Variants in FAT3 observed in about 807,000 individuals in gnomAD.
FAT3 encodes FAT atypical cadherin 3.
Under a neutral mutation model 310.2 loss-of-function variants are expected in FAT3, and 95 were observed. The ratio of observed to expected loss-of-function variants is 0.31; its 90% CI spans 0.26 to 0.36. The LOEUF is 0.36. Among genes scored for constraint, FAT3 ranks in the 10% least tolerant of loss-of-function variants. The probability of loss-of-function intolerance (pLI) is 1.00; values close to 1 mark genes in which losing one functional copy is unlikely to be tolerated. For missense variants in FAT3, 5,408 were observed against 5,715.6 expected (o/e 0.95, Z 1.74); for synonymous variants, 2,314 against 2,192.9 (o/e 1.06, Z -1.54).
chr11:92,362,064 A>G (rs1419689496), intron 2 of FAT3, among the ~76,000 whole-genome samples: 1 of 152,000 alleles, frequency 6.6e-6, no homozygotes, highest in African/African-American at 2.4e-5. Context: ...TTTTTTCTAT[A>G]TCTGGTGTTA....
chr11:92,476,811 C>T lies in FAT3; in HGVS notation c.3293-47823C>T, dbSNP rs977521489. 7.2e-5 allele frequency among the ~76,000 whole-genome samples: 11 copies of T among 152,280 alleles called. No individual in the cohort carries two copies. In the East Asian group the frequency reaches 1.9e-3, roughly 27 times the overall value. On this transcript the variant is annotated intron_variant, in intron 2 of 27. Transcript: ENST00000525166. ...GAGGATCAAGTTGAAGACAGTGGTA[C>T]TGAGGAACTAAAAATTAACCACATT...
chr11:92,246,529 G>A (rs757104995), intron 1 of FAT3, among the ~76,000 whole-genome samples: 1 of 152,042 alleles, frequency 6.6e-6, no homozygotes, highest in East Asian at 1.9e-4. Context: ...AGACAAAGAG[G>A]GGATATGGAT....
At chr11:92,433,871 C>G (rs1372819029) in intron 2 of FAT3, among the ~76,000 whole-genome samples, 2 of 151,894 alleles carry the variant, frequency 1.3e-5, no homozygotes, top group East Asian at 3.9e-4. Context: ...AAAAAATTAG[C>G]TGGATGTGGT....
chr11:92,649,531 C>A (rs1477271698), intron 3 of FAT3, among the ~76,000 whole-genome samples: 1 of 152,030 alleles, frequency 6.6e-6, no homozygotes, highest in Non-Finnish European at 1.5e-5. Flanking sequence ...TATCATGTTG[C>A]CAGTGGGTCC....
chr11:92,241,964 A>G (rs1864684226), intron 1 of FAT3, among the ~76,000 whole-genome samples: 1 of 152,022 alleles, frequency 6.6e-6, no homozygotes, highest in Non-Finnish European at 1.5e-5. Context: ...AGTTTGGCTA[A>G]AATCACTGCT....
rs1863840331 is a variant in FAT3, at chr11:92,224,995, G to T, written c.-197G>T. On this transcript the variant is annotated 5_prime_UTR_variant, in exon 1 of 28. Coordinates refer to ENST00000525166, the MANE Select transcript of FAT3 (RefSeq NM_001367949.2). ...TTGCGAACCCCCGGCGGCGGCGGCG[G>T]CGGCGTCCCGAGCGCAGAGCGCTTC... 1.3e-5 allele frequency among the ~76,000 whole-genome samples: 2 copies of T among 152,274 alleles called. No individual in the cohort carries two copies. The highest frequency in any genetic ancestry group is 4.8e-5 in the African/African-American group (2 of 41,578).
At chr11:92,363,718 C>T (rs1045095340) in intron 2 of FAT3, among the ~76,000 whole-genome samples, 1 of 152,126 alleles carries the variant, frequency 6.6e-6, no homozygotes, top group Non-Finnish European at 1.5e-5. Flanking sequence ...AAATTTTCCC[C>T]ATGAGACCTG....
intron 2 of FAT3, among the ~76,000 whole-genome samples, chr11:92,439,124 G>A (rs1951012836): frequency 6.6e-6 from 1 of 152,166 alleles, no homozygotes; most frequent in Non-Finnish European, 1.5e-5. Flanking sequence ...ATTTCATTCT[G>A]TGTATTATTG....
At chr11:92,600,563 C>G (rs1939966481) in intron 3 of FAT3, among the ~76,000 whole-genome samples, 2 of 152,144 alleles carry the variant, frequency 1.3e-5, no homozygotes, top group Admixed American at 1.3e-4. Context: ...TACATTAACT[C>G]ATTTATTCAT....
chr11:92,534,355 G>T (rs1313132966), intron 3 of FAT3, among the ~76,000 whole-genome samples: 7 of 152,188 alleles, frequency 4.6e-5, no homozygotes, highest in Non-Finnish European at 1.0e-4. Context: ...TCAGTGCCGA[G>T]CTAGGATTGG....
chr11:92,715,721 A>T (rs1161690148), intron 4 of FAT3, among the ~76,000 whole-genome samples: 2 of 152,094 alleles, frequency 1.3e-5, no homozygotes, highest in Non-Finnish European at 2.9e-5. Flanking sequence ...TTGAGAAACA[A>T]CTTGTATGTG....
chr11:92,315,475 G>GTATATATA (rs1555009254), intron 1 of FAT3, among the ~76,000 whole-genome samples: 6 of 76,656 alleles, frequency 7.8e-5, no homozygotes, highest in East Asian at 3.8e-4. Flanking sequence ...GTGTGTGTGT[G>GTATATATA]TGTGTATATA....
intron 3 of FAT3, among the ~76,000 whole-genome samples, chr11:92,685,057 C>A (rs1943591915): frequency 6.6e-6 from 1 of 152,166 alleles, no homozygotes; most frequent in Admixed American, 6.5e-5. Flanking sequence ...CTACAGAAAT[C>A]AGAGACTGAC....
chr11:92,619,952 T>G (rs112074257), intron 3 of FAT3, among the ~76,000 whole-genome samples: 1 of 152,148 alleles, frequency 6.6e-6, no homozygotes, highest in East Asian at 1.9e-4. Context: ...TTTTATAAAT[T>G]TATAGCTATT....
chr11:92,390,792 C>G (rs1420395891), intron 2 of FAT3, among the ~76,000 whole-genome samples: 1 of 152,102 alleles, frequency 6.6e-6, no homozygotes, highest in East Asian at 1.9e-4. Flanking sequence ...GCTGGGAGGA[C>G]TGAGGGTGAG....
intron 3 of FAT3, among the ~76,000 whole-genome samples, chr11:92,643,096 A>G (rs1172952360): frequency 1.3e-5 from 2 of 152,244 alleles, no homozygotes; most frequent in South Asian, 4.1e-4. Flanking sequence ...GCCAAATCCC[A>G]AAGAGATTAA....
intron 3 of FAT3, among the ~76,000 whole-genome samples, chr11:92,648,778 G>A (rs976724007): frequency 5.9e-5 from 9 of 152,140 alleles, no homozygotes; most frequent in African/African-American, 1.9e-4. Flanking sequence ...CCATTGTGAC[G>A]GCCATGCTCA....
intron 2 of FAT3, among the ~76,000 whole-genome samples, chr11:92,412,334 C>T (rs960752614): frequency 1.1e-4 from 17 of 150,770 alleles, no homozygotes; most frequent in African/African-American, 3.9e-4. Context: ...ATCTCCTGAC[C>T]TCGTGATCCA....
chr11:92,405,554 T>A (rs1356582447), intron 2 of FAT3, among the ~76,000 whole-genome samples: 1 of 152,138 alleles, frequency 6.6e-6, no homozygotes, highest in Non-Finnish European at 1.5e-5. Flanking sequence ...CCCAAGAGTT[T>A]GAGACCAGCC....
Sources: gnomAD v4.1 joint callset for allele counts (sites outside exome capture counted in the v4.1 genomes callset) on GRCh38, gnomAD v4.1.1 for gene constraint, MANE v1.5 for transcripts, NCBI Gene and HGNC (gene_info 2026-07-23, HGNC 2026-07-21) for gene names.